CD244: variants seen among roughly 807,000 people sequenced by gnomAD.
The protein encoded by CD244 is natural killer cell receptor 2B4.
CD244 carries 20 observed loss-of-function variants against 45.5 expected under a neutral mutation model. The observed-to-expected ratio is 0.44, with a 90% confidence interval of 0.31 to 0.64. CD244 has a LOEUF of 0.64. CD244 is among the 30% of genes least tolerant of loss of function. CD244 has a pLI of 0.08. For missense variants in CD244, 407 were observed against 426.9 expected, an observed-to-expected ratio of 0.95 and a Z score of 0.41; for synonymous variants, 185 against 160.5, an observed-to-expected ratio of 1.15 and a Z score of -1.15.
intron 1 of CD244, among the ~76,000 whole-genome samples, chr1:160,844,746 C>T (rs12354234): frequency 1.1e-4 from 17 of 152,130 alleles, no homozygotes; most frequent in Admixed American, 2.6e-4. Flanking sequence ...AGGCCAAGGC[C>T]GGCAGATCAC....
chr1:160,860,219 A>T (rs1670250063), intron 1 of CD244, among the ~76,000 whole-genome samples: 1 of 152,168 alleles, frequency 6.6e-6, no homozygotes, highest in Admixed American at 6.5e-5. Context: ...AAAAAATAAT[A>T]ATAATGATGA....
At chr1:160,840,641 G>A (rs528395720) in intron 3 of CD244, among the ~76,000 whole-genome samples, 2 of 152,148 alleles carry the variant, frequency 1.3e-5, no homozygotes, top group South Asian at 4.1e-4. Context: ...AATGAGAGCT[G>A]TATGGTTTTT....
chr1:160,836,087 C>T (rs1182123930), intron 6 of CD244, 108 bp downstream of exon 6: 14 of 830,414 alleles, frequency 1.7e-5, no homozygotes, highest in Non-Finnish European at 2.7e-5. Flanking sequence ...CTTCTGGATT[C>T]TAGAAGCACC....
intron 1 of CD244, among the ~76,000 whole-genome samples, chr1:160,851,263 G>A (rs1322005185): frequency 2.6e-5 from 4 of 152,150 alleles, no homozygotes; most frequent in Non-Finnish European, 5.9e-5. Flanking sequence ...TTCCAACCCT[G>A]CCTTGGTCTT....
chr1:160,848,733 C>A lies in CD244; in HGVS notation c.62-6832G>T, dbSNP rs1188224443. On this transcript the variant is annotated intron_variant, in intron 1 of 8. Coordinates refer to ENST00000368034, the MANE Select transcript of CD244 (RefSeq NM_016382.4). The stretch of plus-strand genomic sequence containing the variant: ...TCCATAAAAACCCAAGAGGACTGGG[C>A]TTGGAGAGCCTCCAGATAGCTGGAG... 2.0e-5 allele frequency among the ~76,000 whole-genome samples: 3 copies of A among 150,888 alleles called. No individual in the cohort carries two copies. The East Asian group carries it at 5.8e-4, about 29-fold the overall frequency.
intron 3 of CD244, 59 bp from the exon 4 acceptor site, chr1:160,839,108 A>G: frequency 7.0e-6 from 9 of 1,278,144 alleles, no homozygotes; most frequent in Non-Finnish European, 1.0e-5. Context: ...CTTCCTTCCC[A>G]CCTGCCTGCT....
At chr1:160,837,432 A>AT (rs1557832718) in intron 5 of CD244, among the ~76,000 whole-genome samples, 1 of 152,210 alleles carries the variant, frequency 6.6e-6, no homozygotes, top group African/African-American at 2.4e-5. Flanking sequence ...TCACATTCCA[A>AT]TAGCCACTGC....
At chr1:160,849,715 G>T (rs546220553) in intron 1 of CD244, among the ~76,000 whole-genome samples, 135 of 152,260 alleles carry the variant, frequency 8.9e-4, no homozygotes, top group African/African-American at 3.2e-3. Flanking sequence ...AATAGTCAAA[G>T]GGAATAAAAA....
intron 1 of CD244, among the ~76,000 whole-genome samples, chr1:160,854,461 C>A (rs111487135): frequency 0.088 from 13,368 of 152,090 alleles, 1,885 homozygotes; most frequent in African/African-American, 0.3. Context: ...CGGCTCACTG[C>A]AATCTCTGCC....
intron 1 of CD244, among the ~76,000 whole-genome samples, chr1:160,858,085 A>T (rs576115902): frequency 2.7e-3 from 208 of 75,930 alleles, no homozygotes; most frequent in African/African-American, 0.016. Context: ...ATAAAAAATT[A>T]AAAAAAAAAA....
At chr1:160,836,492 AC>A (rs1669340204) in intron 5 of CD244, among the ~76,000 whole-genome samples, 1 of 152,174 alleles carries the variant, frequency 6.6e-6, no homozygotes, top group South Asian at 2.1e-4. Flanking sequence ...GGTTCCAGCA[AC>A]CCTGCTCAAA....
At chr1:160,861,571 C>T (rs1431701630) in intron 1 of CD244, among the ~76,000 whole-genome samples, 1 of 152,184 alleles carries the variant, frequency 6.6e-6, no homozygotes, top group Non-Finnish European at 1.5e-5. Context: ...TGGCTCACAC[C>T]TGTAATCCCA....
At chr1:160,838,062 C>G (rs1315325874) in intron 5 of CD244, among the ~76,000 whole-genome samples, 1 of 152,236 alleles carries the variant, frequency 6.6e-6, no homozygotes, top group Non-Finnish European at 1.5e-5. Context: ...GCTGGTCACA[C>G]TTCCCAGCCT....
rs185029132 is a variant in CD244, at chr1:160,832,134, C to T, written c.1017+385G>A. Among the ~76,000 whole-genome samples the T allele has an allele frequency of 3.9e-3, 592 of 152,186 alleles. 2 individuals are homozygous for T. Among genetic ancestry groups the T allele is most frequent in the Non-Finnish European group, 5.7e-3 (386 of 68,012 alleles). ...AGCTCACCTATGTCCTGGAATGGCTCCCAAAGACTTGCTAATTTTAGAAAA... is the reference window on the plus strand; with the variant it reads ...AGCTCACCTATGTCCTGGAATGGCTTCCAAAGACTTGCTAATTTTAGAAAA... On this transcript the variant is annotated intron_variant, in intron 8 of 8. Coordinates refer to ENST00000368034, the MANE Select transcript of CD244 (RefSeq NM_016382.4).
intron 1 of CD244, among the ~76,000 whole-genome samples, chr1:160,861,271 C>A (rs1450766483): frequency 6.6e-6 from 1 of 152,192 alleles, no homozygotes; most frequent in East Asian, 1.9e-4. Context: ...CCTCATCATG[C>A]TCTGCCCTAG....
intron 1 of CD244, among the ~76,000 whole-genome samples, chr1:160,849,980 C>G (rs1453277528): frequency 6.6e-6 from 1 of 152,024 alleles, no homozygotes; most frequent in Non-Finnish European, 1.5e-5. Flanking sequence ...CCATTGCACT[C>G]CAGCCTGGGC....
chr1:160,858,878 C>T (rs998787114), intron 1 of CD244, among the ~76,000 whole-genome samples: 14 of 152,276 alleles, frequency 9.2e-5, no homozygotes, highest in Admixed American at 8.5e-4. Context: ...TAAGTATCTA[C>T]TGAGGGTTGA....
At chr1:160,855,464 G>A (rs546567709) in intron 1 of CD244, among the ~76,000 whole-genome samples, 12 of 152,256 alleles carry the variant, frequency 7.9e-5, no homozygotes, top group African/African-American at 2.6e-4. Flanking sequence ...AAGCAGATAC[G>A]GTGAAAAGGC....
intron 1 of CD244, among the ~76,000 whole-genome samples, chr1:160,850,161 T>C (rs1016811531): frequency 6.6e-6 from 1 of 152,168 alleles, no homozygotes; most frequent in Non-Finnish European, 1.5e-5. Flanking sequence ...ACAAAAATCA[T>C]TTTTATTTCT....
Sources: allele counts gnomAD v4.1 joint callset (sites outside exome capture counted in the v4.1 genomes callset), GRCh38; gene constraint gnomAD v4.1.1; transcripts MANE v1.5; gene names NCBI Gene and HGNC (gene_info 2026-07-23, HGNC 2026-07-21).